BBS9: variants seen among roughly 807,000 people sequenced by gnomAD.
BBS9 encodes the protein Bardet-Biedl syndrome 9, also known as protein PTHB1.
Under a neutral mutation model 117.7 loss-of-function variants are expected in BBS9, and 89 were observed. The ratio of observed to expected loss-of-function variants is 0.76; its 90% CI spans 0.64 to 0.90. The LOEUF (loss-of-function observed/expected upper bound fraction) is 0.90. Ranked by LOEUF, BBS9 falls within the 40% of genes least tolerant of loss-of-function variation. BBS9 has a pLI of 0.00. For missense variants in BBS9, 982 were observed against 1,042.2 expected, an observed-to-expected ratio of 0.94 and a Z score of 0.80; for synonymous variants, 379 against 370.9, an observed-to-expected ratio of 1.02 and a Z score of -0.25.
At chr7:33,138,830 TCTC>T (rs1045153256) in intron 1 of BBS9, among the ~76,000 whole-genome samples, 2 of 150,986 alleles carry the variant, frequency 1.3e-5, no homozygotes, top group African/African-American at 4.8e-5. Context: ...CTGAACTGAT[TCTC>T]CTGCCTTGGC....
rs905777837 is a variant in BBS9, at chr7:33,387,899, A to C, written c.1963-93A>C. ...TATAATGCATTTAAATTTCTTCATT[A>C]CTCTTTTACTTTTATTATCATTGTG... On this transcript the variant is annotated intron_variant, in intron 18 of 22. Transcript: ENST00000242067. The C allele has an allele frequency of 6.6e-5, 93 of 1,400,714 alleles. 1 individual carries two copies. The East Asian group carries it at 2.1e-3, about 31-fold the overall frequency. 86.8% of individuals were successfully genotyped at this position (1,400,714 alleles called of 1,614,324 possible). A position where few individuals can be genotyped will look rare whatever the true frequency, so the allele number is the denominator to read the frequency against.
At chr7:33,189,087 C>T (rs921840037) in intron 5 of BBS9, among the ~76,000 whole-genome samples, 2 of 152,156 alleles carry the variant, frequency 1.3e-5, no homozygotes, top group African/African-American at 4.8e-5. Context: ...GTGGTACGAT[C>T]TCAGCTTACT....
At chr7:33,340,151 T>G (rs1199628343) in intron 10 of BBS9, among the ~76,000 whole-genome samples, 1 of 152,076 alleles carries the variant, frequency 6.6e-6, no homozygotes, top group African/African-American at 2.4e-5. Context: ...GGTGAATCTT[T>G]GTTCAACCCA....
At chr7:33,143,171 G>C (rs746004420) in intron 1 of BBS9, among the ~76,000 whole-genome samples, 26 of 152,020 alleles carry the variant, frequency 1.7e-4, no homozygotes, top group Non-Finnish European at 5.9e-5. Flanking sequence ...GGGTATCACT[G>C]TGTTAGCCAG....
intron 9 of BBS9, among the ~76,000 whole-genome samples, chr7:33,308,699 T>G (rs369517251): frequency 6.6e-6 from 1 of 152,184 alleles, no homozygotes; most frequent in Non-Finnish European, 1.5e-5. Context: ...AAGAGATGAA[T>G]AGATCTCTCC....
At chr7:33,400,655 A>T (rs1481238280) in intron 19 of BBS9, among the ~76,000 whole-genome samples, 1 of 152,148 alleles carries the variant, frequency 6.6e-6, no homozygotes, top group African/African-American at 2.4e-5. Context: ...AAAGAAAAAG[A>T]TGTACTGTTT....
At chr7:33,496,745 G>T (rs981090279) in intron 19 of BBS9, among the ~76,000 whole-genome samples, 1 of 152,112 alleles carries the variant, frequency 6.6e-6, no homozygotes, top group Non-Finnish European at 1.5e-5. Flanking sequence ...CAGCACAGAG[G>T]TAATGAATGC....
intron 20 of BBS9, among the ~76,000 whole-genome samples, chr7:33,526,036 G>C (rs1351486389): frequency 6.6e-6 from 1 of 151,536 alleles, no homozygotes; most frequent in Non-Finnish European, 1.5e-5. Context: ...ATGAAATTCT[G>C]GGTTGAAAAT....
chr7:33,370,385 A>G (rs2128720057), intron 17 of BBS9, among the ~76,000 whole-genome samples: 1 of 152,116 alleles, frequency 6.6e-6, no homozygotes, highest in East Asian at 1.9e-4. Context: ...TGGGAGGATC[A>G]CTTAAGCCCA....
chr7:33,242,867 A>G (rs1474600579), intron 5 of BBS9: 1 of 508,874 alleles, frequency 2.0e-6, no homozygotes. Flanking sequence ...TACACTATGC[A>G]TAACATTCAG....
intron 4 of BBS9, among the ~76,000 whole-genome samples, chr7:33,175,074 C>G (rs897412170): frequency 6.6e-6 from 1 of 152,132 alleles, no homozygotes; most frequent in South Asian, 2.1e-4. Flanking sequence ...GAGGCCGAGG[C>G]GAGTGGAACA....
At chr7:33,177,909 A>G (rs1468510356) in intron 5 of BBS9, 3 of 283,984 alleles carry the variant, frequency 1.1e-5, no homozygotes, top group Non-Finnish European at 2.0e-5. Context: ...GCATATTTTT[A>G]TATGGTCTAT....
At chr7:33,275,554 A>G (rs576050276) in intron 9 of BBS9, among the ~76,000 whole-genome samples, 3 of 152,262 alleles carry the variant, frequency 2.0e-5, no homozygotes, top group African/African-American at 7.2e-5. Flanking sequence ...GCAAAAAGAC[A>G]GATCCACACT....
chr7:33,548,593 C>A (rs981787572), intron 21 of BBS9, among the ~76,000 whole-genome samples: 3 of 147,558 alleles, frequency 2.0e-5, no homozygotes, highest in Non-Finnish European at 4.5e-5. Flanking sequence ...TGAGAATATG[C>A]GGTGTTTGGT....
chr7:33,393,548 A>G (rs1305289926), intron 19 of BBS9, among the ~76,000 whole-genome samples: 1 of 152,220 alleles, frequency 6.6e-6, no homozygotes, highest in Non-Finnish European at 1.5e-5. Context: ...TCTGATGAGT[A>G]GAACAAGACA....
intron 5 of BBS9, among the ~76,000 whole-genome samples, chr7:33,182,004 G>A (rs530019397): frequency 3.3e-5 from 5 of 152,244 alleles, no homozygotes; most frequent in South Asian, 2.1e-4. Context: ...GCAGAATGGC[G>A]TGAACCCAGG....
intron 9 of BBS9, among the ~76,000 whole-genome samples, chr7:33,317,798 G>A (rs1313392975): frequency 2.0e-5 from 3 of 152,154 alleles, no homozygotes; most frequent in African/African-American, 4.8e-5. Context: ...ACGCCTGTAA[G>A]CTCAGCACTT....
In BBS9 at chr7:33,152,746, G is replaced by T. The variant is rs2128108169; in HGVS notation, c.158G>T (p.Ser53Ile). ...TTTATGGGATACCTAAGGATCTTTA[G>T]CCCCCATCCTGCAAAAACAGGAGAT... The part of the protein sequence containing the change: ...GSFMGYLRIF[S>I]PHPAKTGDGA... The change falls in exon 3 of 23, where the codon AGC (serine) becomes ATC (isoleucine). Residue 53 changes from serine (S) to isoleucine (I), a missense_variant. Ser to Ile is a moderately radical substitution (Grantham distance 142). Coordinates refer to ENST00000242067, the MANE Select transcript of BBS9 (RefSeq NM_198428.3). 10 of 1,612,426 alleles carry T rather than the reference G, an allele frequency of 6.2e-6. No individual in the cohort carries two copies. The highest frequency in any genetic ancestry group is 7.6e-6 in the Non-Finnish European group (9 of 1,179,684).
intron 1 of BBS9, among the ~76,000 whole-genome samples, chr7:33,141,415 C>A (rs2128080566): frequency 6.6e-6 from 1 of 152,156 alleles, no homozygotes; most frequent in South Asian, 2.1e-4. Flanking sequence ...AGCAAGACTC[C>A]ATTCCTCACT....
Sources: gnomAD v4.1 joint callset for allele counts (sites outside exome capture counted in the v4.1 genomes callset) on GRCh38, gnomAD v4.1.1 for gene constraint, MANE v1.5 for transcripts, NCBI Gene and HGNC (gene_info 2026-07-23, HGNC 2026-07-21) for gene names.